Variants in EED observed in about 807,000 individuals in gnomAD.
EED encodes polycomb protein EED.
A neutral mutation model predicts 61.0 loss-of-function variants in EED; 9 were observed. That is an observed-to-expected ratio of 0.15 (90% confidence interval 0.09 to 0.26). The LOEUF is 0.26. Among genes scored for constraint, EED ranks in the 10% least tolerant of loss-of-function variants. The pLI, the probability that EED is intolerant of heterozygous loss-of-function variation, is 1.00. For missense variants in EED, 315 were observed against 542.3 expected (o/e 0.58, Z 4.16); for synonymous variants, 187 against 174.4 (o/e 1.07, Z -0.57).
chr11:86,252,813 T>C (rs111906134), intron 3 of EED, among the ~76,000 whole-genome samples: 28 of 152,160 alleles, frequency 1.8e-4, no homozygotes, highest in African/African-American at 6.5e-4. Flanking sequence ...CAGGATGGAG[T>C]GCAGTGGTTA....
intron 1 of EED, among the ~76,000 whole-genome samples, chr11:86,246,076 C>T (rs576450188): frequency 1.3e-5 from 2 of 152,346 alleles, no homozygotes; most frequent in East Asian, 3.9e-4. Context: ...AGTGTGGGTT[C>T]CTGGCTTCGC....
At position 86,250,124 on chromosome 11, in the gene EED, C is replaced by T. The variant is rs2270680; in HGVS notation, c.115-172C>T. 0.35 allele frequency among the ~76,000 whole-genome samples: 53,482 copies of T among 151,966 alleles called. 9,881 individuals are homozygous for T. The highest frequency in any genetic ancestry group is 0.41 in the Non-Finnish European group (27,992 of 67,940). On this transcript the variant is annotated intron_variant, in intron 1 of 11. Coordinates refer to ENST00000263360, the MANE Select transcript of EED (RefSeq NM_003797.5). ...GTTGAAATATAAAATATCTACAAAC[C>T]TTCTAACCTGTAGCTGGATTATGTT...
At chr11:86,261,762 A>G (rs1945835137) in intron 6 of EED, among the ~76,000 whole-genome samples, 1 of 152,214 alleles carries the variant, frequency 6.6e-6, no homozygotes, top group Non-Finnish European at 1.5e-5. Flanking sequence ...CCTGAGCCAT[A>G]CTTGAGCCCC....
chr11:86,264,938 C>T (rs1945937039), intron 7 of EED: 1 of 152,196 alleles, frequency 6.6e-6, no homozygotes, highest in Non-Finnish European at 1.5e-5. Context: ...CCATATTTTA[C>T]AGCATGTAAC....
downstream of EED, among the ~76,000 whole-genome samples, chr11:86,282,908 T>C (rs1358973366): frequency 1.3e-5 from 2 of 152,070 alleles, no homozygotes; most frequent in South Asian, 2.1e-4. Context: ...GGTGGACAGA[T>C]TGCTTGACCC....
intron 3 of EED, among the ~76,000 whole-genome samples, chr11:86,253,917 G>A (rs528549942): frequency 5.5e-4 from 83 of 151,520 alleles, no homozygotes; most frequent in Non-Finnish European, 1.0e-3. Context: ...GCATGATAGC[G>A]AGTGCCTGTA....
At chr11:86,270,019 G>A in intron 9 of EED, 1 of 650,624 alleles carries the variant, frequency 1.5e-6, no homozygotes, top group Non-Finnish European at 2.8e-6. Context: ...TGCCTAGGAG[G>A]GCAATTGCTG....
intron 9 of EED, 33 bp downstream of exon 9, chr11:86,268,594 C>CGTGTGAGTGTGT (rs1946038520): frequency 1.3e-6 from 1 of 768,776 alleles, no homozygotes; most frequent in African/African-American, 1.9e-5. Flanking sequence ...GTACTTCCAT[C>CGTGTGAGTGTGT]GTGTGTGTGT....
intron 9 of EED, 73 bp downstream of exon 9, chr11:86,268,634 T>A (rs1461061864): frequency 1.9e-6 from 2 of 1,028,952 alleles, no homozygotes; most frequent in Non-Finnish European, 2.8e-6. Context: ...TGTATGTGTG[T>A]GCGCATGTTG....
chr11:86,278,749 T>C lies in EED; in HGVS notation c.*224T>C. On this transcript the variant is annotated 3_prime_UTR_variant, in exon 12 of 12. Transcript: ENST00000263360. Reference sequence around the variant, plus strand: ...AATTTATTTTTGTAAAGCTGTGTGTTTAGTTACTTTCATTGTGGTGAAAAA... The same window carrying C: ...AATTTATTTTTGTAAAGCTGTGTGTCTAGTTACTTTCATTGTGGTGAAAAA... 2.2e-6 allele frequency: 1 copy of C among 455,516 alleles called. No homozygotes were observed. The highest frequency in any genetic ancestry group is 3.5e-6 in the Non-Finnish European group (1 of 284,708). The allele number at this position is 455,516 out of a possible 1,614,324, so 28.2% of individuals were successfully genotyped here.
At chr11:86,272,821 T>A (rs1228949809) in intron 9 of EED, among the ~76,000 whole-genome samples, 2 of 152,236 alleles carry the variant, frequency 1.3e-5, no homozygotes, top group African/African-American at 4.8e-5. Flanking sequence ...TCTGCCTATG[T>A]CTTTTAATTG....
downstream of EED, among the ~76,000 whole-genome samples, chr11:86,280,149 C>T (rs764143368): frequency 7.2e-5 from 11 of 152,010 alleles, no homozygotes; most frequent in East Asian, 1.9e-4. Context: ...TGCAGTGGTG[C>T]GGTCTCAGAC....
intron 9 of EED, 63 bp downstream of exon 9, chr11:86,268,624 T>A: frequency 8.7e-7 from 1 of 1,150,848 alleles, no homozygotes; most frequent in Non-Finnish European, 1.2e-6. Context: ...TGTGTGTGTG[T>A]GTATGTGTGT....
intron 11 of EED, 178 bp from the exon 12 acceptor site, chr11:86,278,221 C>G: frequency 7.5e-7 from 1 of 1,334,740 alleles, no homozygotes; most frequent in Non-Finnish European, 9.6e-7. Context: ...GCTTGTTGAA[C>G]TTAAAATATA....
At chr11:86,258,554 G>GTTTTTTTTTTT (rs768325009) in intron 6 of EED, among the ~76,000 whole-genome samples, 4 of 143,658 alleles carry the variant, frequency 2.8e-5, no homozygotes, top group South Asian at 4.4e-4. Context: ...TTTGTTTTTT[G>GTTTTTTTTTTT]GTTTTTTTTT....
At chr11:86,285,105 T>C in the EED span, among the ~76,000 whole-genome samples, 1 of 151,806 alleles carries the variant, frequency 6.6e-6, no homozygotes, top group African/African-American at 2.4e-5. Flanking sequence ...AGTGAGACTC[T>C]GTCTCAAAAA....
At position 86,278,700 on chromosome 11, in the gene EED, T is replaced by TTC; in HGVS notation, c.*175_*176insTC. On this transcript the variant is annotated 3_prime_UTR_variant, in exon 12 of 12. Transcript: ENST00000263360. The stretch of plus-strand genomic sequence containing the variant: ...TACATTCTTTGTACTGTCTTCCTGC[T>TTC]CAGACTCTACTGCTTTTAATAAAAA... The TTC allele has an allele frequency of 1.4e-6, 1 of 724,198 alleles. No individual in the cohort carries two copies. Among genetic ancestry groups the TTC allele is most frequent in the Non-Finnish European group, 2.0e-6 (1 of 506,846 alleles). The allele number at this position is 724,198 out of a possible 1,614,324, so 44.9% of individuals were successfully genotyped here.
At chr11:86,280,629 A>T (rs1166690615), downstream of EED, among the ~76,000 whole-genome samples, 1 of 152,182 alleles carries the variant, frequency 6.6e-6, no homozygotes, top group Non-Finnish European at 1.5e-5. Flanking sequence ...AGAAGAAATT[A>T]TATATATGTC....
Position 86,254,323 on chromosome 11 carries a change from GT to G in EED, c.361-884del, listed in dbSNP as rs572030833. Among the ~76,000 whole-genome samples the G allele has an allele frequency of 5.3e-3, 742 of 139,776 alleles. 4 individuals carry two copies. Among genetic ancestry groups the G allele is most frequent in the African/African-American group, 0.016 (619 of 38,286 alleles). 91.7% of individuals were successfully genotyped at this position (139,776 alleles called of 152,430 possible). A position where few individuals can be genotyped will look rare whatever the true frequency, so the allele number is the denominator to read the frequency against. On this transcript the variant is annotated intron_variant, in intron 3 of 11. Transcript: ENST00000263360. The stretch of plus-strand genomic sequence containing the variant: ...TTTATTTGAATTTTTATTTTTTATG[GT>G]TTTTTTTTTTTTTTGAGACTGAGTC...
Sources: allele counts gnomAD v4.1 joint callset (sites outside exome capture counted in the v4.1 genomes callset), GRCh38; gene constraint gnomAD v4.1.1; transcripts MANE v1.5; gene names NCBI Gene and HGNC (gene_info 2026-07-23, HGNC 2026-07-21).